Variants in PRCC observed in about 807,000 individuals in gnomAD.
PRCC encodes the protein proline rich mitotic checkpoint control factor.
PRCC carries 10 observed loss-of-function variants against 44.0 expected under a neutral mutation model. The observed-to-expected ratio is 0.23, with a 90% CI of 0.14 to 0.39. The LOEUF is 0.39. PRCC is among the 10% of genes least tolerant of loss of function. PRCC has a pLI of 1.00. For missense variants in PRCC, 573 were observed against 624.7 expected (o/e 0.92, Z 0.88); for synonymous variants, 278 against 259.5 (o/e 1.07, Z -0.69).
chr1:156,789,636 A>G (rs1380302528), intron 3 of PRCC, among the ~76,000 whole-genome samples: 2 of 152,100 alleles, frequency 1.3e-5, no homozygotes, highest in Non-Finnish European at 2.9e-5. Context: ...AAAATTAATA[A>G]TAAATAAAGA....
At chr1:156,776,672 C>G (rs1358426040) in intron 1 of PRCC, among the ~76,000 whole-genome samples, 1 of 152,132 alleles carries the variant, frequency 6.6e-6, no homozygotes, top group Non-Finnish European at 1.5e-5. Flanking sequence ...TAAGAATATG[C>G]TTGTATAGTT....
At chr1:156,797,118 C>T (rs1370357089) in intron 5 of PRCC, 158 bp from the exon 6 acceptor site, 2 of 717,388 alleles carry the variant, frequency 2.8e-6, no homozygotes, top group African/African-American at 1.8e-5. Context: ...AAAATAAAGG[C>T]TTTGTAGTAT....
chr1:156,793,862 A>AAGTGATCCTTC (rs1652571691), intron 4 of PRCC, among the ~76,000 whole-genome samples: 1 of 151,750 alleles, frequency 6.6e-6, no homozygotes, highest in South Asian at 2.1e-4. Context: ...TTCTGGGCTC[A>AAGTGATCCTTC]AGTGATCCTT....
chr1:156,786,645 C>T lies in PRCC; in HGVS notation c.554C>T (p.Pro185Leu). ...SEGTGLSALLPQPKNLTVKET... is the reference protein window; with the variant it reads ...SEGTGLSALLLQPKNLTVKET... ...GGGACTGGTTTGTCTGCCTTGCTTC[C>T]CCAACCTAAAAACCTGACTGTGAAA... Residue 185 changes from proline to leucine, a missense_variant, in exon 3 of 7, where the codon CCC becomes CTC. Around this residue, in one of 4 missense-constraint regions of PRCC, gnomAD observed 118 missense variants for 166.7 expected, o/e 0.71. Transcript: ENST00000271526. 6.2e-7 allele frequency: 1 copy of T among 1,613,634 alleles called. No homozygotes were observed. Among genetic ancestry groups the T allele is most frequent in the South Asian group, 1.1e-5 (1 of 91,044 alleles).
intron 5 of PRCC, 54 bp downstream of exon 5, chr1:156,794,862 C>T (rs1003098587): frequency 7.6e-5 from 122 of 1,604,546 alleles, no homozygotes; most frequent in Admixed American, 1.0e-4. Context: ...AAAGCAAAAT[C>T]TTGTCTTACT....
intron 3 of PRCC, among the ~76,000 whole-genome samples, chr1:156,789,299 A>C (rs1285083331): frequency 3.3e-5 from 5 of 152,272 alleles, no homozygotes; most frequent in East Asian, 1.9e-4. Context: ...TGTGCTTTTG[A>C]GGTCTTAGCT....
rs374304916 is a variant in PRCC, at chr1:156,775,660, G to A, written c.469-6622G>A. On this transcript the variant is annotated intron_variant, in intron 1 of 6. Coordinates refer to ENST00000271526, the MANE Select transcript of PRCC (RefSeq NM_005973.5). Reference sequence around the variant, plus strand: ...CGAGTAGCTGGGACTACCGGCACCCGCCACCACCCCCGGCTAATTTTTGTA... The same window carrying A: ...CGAGTAGCTGGGACTACCGGCACCCACCACCACCCCCGGCTAATTTTTGTA... Among the ~76,000 whole-genome samples, 19 of 152,014 alleles carry A rather than the reference G, an allele frequency of 1.2e-4. No homozygotes were observed. The East Asian group carries it at 2.9e-3, about 23-fold the overall frequency.
chr1:156,787,450 GATATATATATATATATATATAT>G (rs57206380), intron 3 of PRCC, among the ~76,000 whole-genome samples: 14,066 of 124,668 alleles, frequency 0.11, 1,006 homozygotes, highest in African/African-American at 0.16. Flanking sequence ...ATTTGTGATT[GATATATATATATATATATATAT>G]ATATATATAT....
intron 4 of PRCC, among the ~76,000 whole-genome samples, chr1:156,792,221 G>A (rs528347064): frequency 3.3e-5 from 5 of 151,818 alleles, no homozygotes; most frequent in East Asian, 1.9e-4. Flanking sequence ...TCTGATCATC[G>A]CTTTGCCATC....
At chr1:156,784,153 T>A (rs1012908156) in intron 2 of PRCC, among the ~76,000 whole-genome samples, 10 of 152,276 alleles carry the variant, frequency 6.6e-5, no homozygotes, top group African/African-American at 2.4e-4. Context: ...TTCACCGTGT[T>A]AGCCAGGATG....
chr1:156,786,470 C>T (rs892041279), intron 2 of PRCC, 138 bp from the exon 3 acceptor site: 20 of 876,790 alleles, frequency 2.3e-5, no homozygotes, highest in South Asian at 5.4e-5. Context: ...TCTGAGTGGA[C>T]GGAGGTAAGG....
intron 3 of PRCC, among the ~76,000 whole-genome samples, chr1:156,787,503 T>G (rs1652312702): frequency 2.5e-5 from 2 of 78,770 alleles, no homozygotes; most frequent in African/African-American, 4.5e-5. Context: ...ATATATCTGT[T>G]TTTTTTTCTT....
chr1:156,797,352 G>C lies in PRCC; in HGVS notation c.1389+11G>C, dbSNP rs762722114. 1.4e-5 allele frequency: 23 copies of C among 1,613,924 alleles called. No individual in the cohort carries two copies. In the South Asian group the frequency reaches 2.3e-4, roughly 16 times the overall value. On this transcript the variant is annotated intron_variant, in intron 6 of 6. Transcript: ENST00000271526. The stretch of plus-strand genomic sequence containing the variant: ...TATCTTATTCATCAGGTGAGAGACA[G>C]CTGAGGGCTCTGGCTCAGGCAGGAT...
intron 1 of PRCC, among the ~76,000 whole-genome samples, chr1:156,775,503 C>T (rs531135932): frequency 1.9e-4 from 27 of 145,766 alleles, no homozygotes; most frequent in East Asian, 6.8e-4. Context: ...GGCACATGGC[C>T]GATTTAAAAT....
chr1:156,771,008 C>T (rs146542615), intron 1 of PRCC, among the ~76,000 whole-genome samples: 5 of 152,256 alleles, frequency 3.3e-5, no homozygotes, highest in East Asian at 3.9e-4. Flanking sequence ...AGAGAAGGAC[C>T]GTGATAAGCT....
chr1:156,768,251 G>T lies in PRCC; in HGVS notation c.468+12G>T. On this transcript the variant is annotated intron_variant, in intron 1 of 6. Transcript: ENST00000271526. Reference sequence around the variant, plus strand: ...TGCATAAGGGAGATGTGAGTATCCGGGGAAGGCACCCCCAAACTGTCCATC... The same window carrying T: ...TGCATAAGGGAGATGTGAGTATCCGTGGAAGGCACCCCCAAACTGTCCATC... 6.5e-7 allele frequency: 1 copy of T among 1,538,358 alleles called. No individual in the cohort carries two copies. The highest frequency in any genetic ancestry group is 1.2e-5 in the South Asian group (1 of 84,058).
chr1:156,788,010 A>G (rs1044760261), intron 3 of PRCC, among the ~76,000 whole-genome samples: 1 of 151,998 alleles, frequency 6.6e-6, no homozygotes, highest in African/African-American at 2.4e-5. Context: ...TAATTTTTGT[A>G]TTTTTAGTAG....
At chr1:156,798,323 T>C (rs1652731764) in intron 6 of PRCC, among the ~76,000 whole-genome samples, 1 of 151,312 alleles carries the variant, frequency 6.6e-6, no homozygotes, top group Admixed American at 6.6e-5. Context: ...TTCCTTTTTT[T>C]TGAGACAGAG....
intron 1 of PRCC, among the ~76,000 whole-genome samples, chr1:156,776,169 A>C (rs1362728049): frequency 1.3e-5 from 2 of 152,230 alleles, no homozygotes; most frequent in East Asian, 3.9e-4. Context: ...CAGCCTGCGC[A>C]ACAGAGTGAG....
Sources: allele counts gnomAD v4.1 joint callset (sites outside exome capture counted in the v4.1 genomes callset), GRCh38; gene constraint gnomAD v4.1.1; regional missense constraint gnomAD v4.1.1; transcripts MANE v1.5; gene names NCBI Gene and HGNC (gene_info 2026-07-23, HGNC 2026-07-21).